The following SLC25A45 variants were observed in gnomAD, a reference collection of about 807,000 sequenced individuals.
The protein encoded by SLC25A45 is methylated amino-acid transporter SLC25A45.
SLC25A45 carries 22 observed loss-of-function variants against 23.0 expected under a neutral mutation model. The observed-to-expected ratio is 0.95, with a 90% CI of 0.68 to 1.36. The LOEUF (loss-of-function observed/expected upper bound fraction) is 1.36, where lower values mean the gene tolerates loss of function less well. SLC25A45 is among the 40% of genes most tolerant of loss of function. The pLI, the probability that SLC25A45 is intolerant of heterozygous loss-of-function variation, is 0.00. For synonymous variants in SLC25A45, 136 were observed against 155.0 expected (o/e 0.88, Z 0.91); for missense variants, 355 against 383.5 (o/e 0.93, Z 0.62).
Position 65,382,208 on chromosome 11 carries a change from C to T in SLC25A45, c.-18-239G>A, listed in dbSNP as rs1003761008. The T allele has an allele frequency of 2.0e-5, 11 of 549,530 alleles. No homozygotes were observed. The highest frequency in any genetic ancestry group is 1.5e-4 in the African/African-American group (8 of 52,792). The allele number at this position is 549,530 out of a possible 1,614,324, so 34.0% of individuals were successfully genotyped here. A position where few individuals can be genotyped will look rare whatever the true frequency, so the allele number is the denominator to read the frequency against. The stretch of plus-strand genomic sequence containing the variant: ...TGCCGGGACCACAGAGGCCCTGATC[C>T]CCGAGCCCGGCCAATGATCCTCGCT... On this transcript the variant is annotated intron_variant, in intron 1 of 6. Coordinates refer to ENST00000398802, the MANE Select transcript of SLC25A45 (RefSeq NM_182556.4). This position sits in a 1 kb window ranked among gnomAD's most constrained non-coding sequence, Gnocchi z 4.4.
Position 65,376,283 on chromosome 11 carries a change from G to T in SLC25A45, c.*124C>A. ...CCAGCCCAGATCTGCGCGGGTGGGA[G>T]GCACCTTGGTTAGGAAGGGCTGAGC... is the stretch of plus-strand genomic sequence containing the variant. On this transcript the variant is annotated 3_prime_UTR_variant, in exon 7 of 7. Transcript: ENST00000398802. 1 of 1,246,382 alleles carries T rather than the reference G, an allele frequency of 8.0e-7. No individual in the cohort carries two copies. The highest frequency in any genetic ancestry group is 1.1e-6 in the Non-Finnish European group (1 of 897,754). 77.2% of individuals were successfully genotyped at this position (1,246,382 alleles called of 1,614,324 possible).
At position 65,381,959 on chromosome 11, in the gene SLC25A45, G is replaced by T. The variant is rs765127270; in HGVS notation, c.-8C>A. 5 of 1,613,792 alleles carry T rather than the reference G, an allele frequency of 3.1e-6. No individual in the cohort carries two copies. In the African/African-American group the frequency reaches 6.7e-5, roughly 22 times the overall value. On this transcript the variant is annotated 5_prime_UTR_variant, in exon 2 of 7. Coordinates refer to ENST00000398802, the MANE Select transcript of SLC25A45 (RefSeq NM_182556.4). ...AAATTCCTCCACCGGCATTGTCTGG[G>T]CTTGCGGGAACTGGTGGCTCCAGCA...
intron 4 of SLC25A45, 34 bp from the exon 5 acceptor site, chr11:65,379,595 C>A (rs1307608824): frequency 6.4e-7 from 1 of 1,572,888 alleles, no homozygotes. Flanking sequence ...GGAGTAGGCA[C>A]CGTGGGGCCT....
chr11:65,380,673 C>T, intron 2 of SLC25A45: 2 of 1,152,032 alleles, frequency 1.7e-6, no homozygotes, highest in Non-Finnish European at 2.3e-6. Context: ...AGGAGCTTCT[C>T]CCCTCCCCTC....
chr11:65,381,062 C>T (rs1202342991), intron 2 of SLC25A45: 3 of 154,916 alleles, frequency 1.9e-5, no homozygotes, highest in African/African-American at 7.2e-5. Flanking sequence ...CCTGTGCCTT[C>T]CTCTCTTCTT....
At chr11:65,378,038 C>G (rs1855312486) in intron 5 of SLC25A45, 1 of 152,086 alleles carries the variant, frequency 6.6e-6, no homozygotes, top group Non-Finnish European at 1.5e-5. Flanking sequence ...TTACTTTGGT[C>G]CCAGGAGTAA....
chr11:65,381,670 C>T, intron 2 of SLC25A45: 1 of 460,178 alleles, frequency 2.2e-6, no homozygotes, highest in Non-Finnish European at 4.0e-6. Flanking sequence ...TGAGCTCAAG[C>T]AATCCTCCTA....
chr11:65,379,163 C>G, intron 5 of SLC25A45: 1 of 587,014 alleles, frequency 1.7e-6, no homozygotes, highest in Non-Finnish European at 3.0e-6. Context: ...CCTCTTGGCA[C>G]TGCCCACCAG....
intron 2 of SLC25A45, 138 bp from the exon 3 acceptor site, chr11:65,380,313 C>G (rs1032541805): frequency 3.8e-6 from 5 of 1,309,180 alleles, no homozygotes; most frequent in Non-Finnish European, 5.4e-6. Flanking sequence ...CACCTTCCTG[C>G]CAAGCTCTAG....
rs1855447297 is a variant in SLC25A45 at position 65,379,801 on chromosome 11, G to A, written c.153+66C>T. 4 of 1,578,256 alleles carry A rather than the reference G, an allele frequency of 2.5e-6. No homozygotes were observed. The South Asian group carries it at 4.4e-5, about 18-fold the overall frequency. On this transcript the variant is annotated intron_variant, in intron 4 of 6. Transcript: ENST00000398802. Reference sequence around the variant, plus strand: ...GAGCAGAACCCTGCTGGAGAGGGAAGCTGGTACCAACAGCCCCAGATGCCT... The same window carrying A: ...GAGCAGAACCCTGCTGGAGAGGGAAACTGGTACCAACAGCCCCAGATGCCT...
chr11:65,376,790 C>T, intron 6 of SLC25A45, 28 bp downstream of exon 6: 1 of 1,614,218 alleles, frequency 6.2e-7, no homozygotes, highest in South Asian at 1.1e-5. Flanking sequence ...CACCTCTGTC[C>T]CCCATCCTCT....
In SLC25A45 at chr11:65,382,017, C is replaced by G. The variant is rs900746265; in HGVS notation, c.-18-48G>C. ...CAGAGTTGAATTCCCCCCTCTCCCT[C>G]CCCTGGCCCACGCTGATAACCTCCC... On this transcript the variant is annotated intron_variant, in intron 1 of 6. Coordinates refer to ENST00000398802, the MANE Select transcript of SLC25A45 (RefSeq NM_182556.4). The surrounding 1 kb of genome is among the most constrained non-coding windows in gnomAD (Gnocchi z 4.4). 1.5e-6 allele frequency: 2 copies of G among 1,365,530 alleles called. No individual in the cohort carries two copies. The highest frequency in any genetic ancestry group is 2.1e-6 in the Non-Finnish European group (2 of 953,386). 84.6% of individuals were successfully genotyped at this position (1,365,530 alleles called of 1,614,324 possible). A position where few individuals can be genotyped will look rare whatever the true frequency, so the allele number is the denominator to read the frequency against.
chr11:65,382,289 A>G lies in SLC25A45; in HGVS notation c.-19+197T>C. The G allele has an allele frequency of 5.4e-6, 2 of 370,670 alleles. No individual in the cohort carries two copies. The highest frequency in any genetic ancestry group is 6.1e-5 in the South Asian group (2 of 32,840). 23.0% of individuals were successfully genotyped at this position (370,670 alleles called of 1,614,324 possible). A position where few individuals can be genotyped will look rare whatever the true frequency, so the allele number is the denominator to read the frequency against. On this transcript the variant is annotated intron_variant, in intron 1 of 6. Coordinates refer to ENST00000398802, the MANE Select transcript of SLC25A45 (RefSeq NM_182556.4). This position sits in a 1 kb window ranked among gnomAD's most constrained non-coding sequence, Gnocchi z 4.4. ...GGTCGGGCCCCTCCAGGGCTGCCTT[A>G]GTCAGCAAGAGGCAAGCCCCTGCCT...
rs1258349168 is a variant in SLC25A45, at chr11:65,382,495, C to T, written c.-28G>A. The T allele has an allele frequency of 1.2e-5, 2 of 167,212 alleles. No homozygotes were observed. Among genetic ancestry groups the T allele is most frequent in the African/African-American group, 4.7e-5 (2 of 42,220 alleles). 10.4% of individuals were successfully genotyped at this position (167,212 alleles called of 1,614,324 possible). On this transcript the variant is annotated 5_prime_UTR_variant, in exon 1 of 7. Coordinates refer to ENST00000398802, the MANE Select transcript of SLC25A45 (RefSeq NM_182556.4). This position sits in a 1 kb window ranked among gnomAD's most constrained non-coding sequence, Gnocchi z 4.4. ...CCCAGGAGTGACTCACCAGGCCTGG[C>T]TGTTCTCTTCAGGGTTGTTTACGAC...
chr11:65,380,740 G>A (rs759208405), intron 2 of SLC25A45: 13 of 494,006 alleles, frequency 2.6e-5, no homozygotes, highest in Non-Finnish European at 4.0e-5. Context: ...TGGAGTTTGG[G>A]GGAGGTCGCA....
chr11:65,376,519 T>C lies in SLC25A45; in HGVS notation c.755A>G (p.Gln252Arg). 1 of 1,614,202 alleles carries C rather than the reference T, an allele frequency of 6.2e-7. No individual in the cohort carries two copies. The highest frequency in any genetic ancestry group is 8.5e-7 in the Non-Finnish European group (1 of 1,180,038). The part of the protein sequence containing the change: ...MLDCMVSSIR[Q>R]EGLGVFFRGV... ...CCGGAAGAAGACTCCCAGTCCTTCC[T>C]GCCGGATGCTGCTCACCATGCAGTC... Residue 252 changes from glutamine (Q) to arginine (R), a missense_variant, in exon 7 of 7, where the codon CAG becomes CGG. Transcript: ENST00000398802.
Position 65,382,008 on chromosome 11 carries a change from C to T in SLC25A45, c.-18-39G>A, listed in dbSNP as rs527692486. 51 of 1,440,548 alleles carry T rather than the reference C, an allele frequency of 3.5e-5. No individual in the cohort carries two copies. The highest frequency in any genetic ancestry group is 4.6e-5 in the Non-Finnish European group (47 of 1,021,954). 89.2% of individuals were successfully genotyped at this position (1,440,548 alleles called of 1,614,324 possible). A position where few individuals can be genotyped will look rare whatever the true frequency, so the allele number is the denominator to read the frequency against. ...CAGAGGAGACAGAGTTGAATTCCCC[C>T]CTCTCCCTCCCCTGGCCCACGCTGA... On this transcript the variant is annotated intron_variant, in intron 1 of 6. Coordinates refer to ENST00000398802, the MANE Select transcript of SLC25A45 (RefSeq NM_182556.4). This position sits in a 1 kb window ranked among gnomAD's most constrained non-coding sequence, Gnocchi z 4.4.
rs781341376 is a variant in SLC25A45, at chr11:65,381,926, C to T, written c.26G>A (p.Gly9Asp). 1 of 1,614,036 alleles carries T rather than the reference C, an allele frequency of 6.2e-7. No individual in the cohort carries two copies. Among genetic ancestry groups the T allele is most frequent in the Non-Finnish European group, 8.5e-7 (1 of 1,180,036 alleles). The change falls in exon 2 of 7, where the codon GGC becomes GAC. Residue 9 changes from glycine to aspartate, a missense_variant. Transcript: ENST00000398802. ...GAAAAATGTCTCACCAGAGATCCAG[C>T]CAGCCACAAATTCCTCCACCGGCAT... MPVEEFVAGWISGALGLVL... is the reference protein window; with the variant it reads MPVEEFVADWISGALGLVL...
chr11:65,380,396 A>T, intron 2 of SLC25A45: 1 of 887,676 alleles, frequency 1.1e-6, no homozygotes, highest in Non-Finnish European at 1.7e-6. Flanking sequence ...AGGGACTAAG[A>T]CCCCAGGCCC....
Sources: gnomAD v4.1 joint callset for allele counts on GRCh38, gnomAD v4.1.1 for gene constraint, Gnocchi (gnomAD v3.1) non-coding constraint, MANE v1.5 for transcripts, NCBI Gene and HGNC (gene_info 2026-07-23, HGNC 2026-07-21) for gene names.